Variants in RALGAPA2 observed in about 807,000 individuals in gnomAD.
The protein encoded by RALGAPA2 is Ral GTPase activating protein catalytic subunit alpha 2, also known as ral GTPase-activating protein subunit alpha-2.
In RALGAPA2, 139 loss-of-function variants were observed where a neutral mutation model predicts 230.4. That is an observed-to-expected ratio of 0.60 (90% CI 0.53 to 0.69). RALGAPA2 has a LOEUF of 0.69. Ranked by LOEUF, RALGAPA2 falls within the 30% of genes least tolerant of loss-of-function variation. The pLI, the probability that RALGAPA2 is intolerant of heterozygous loss-of-function variation, is 0.00. For missense variants in RALGAPA2, 2,163 were observed against 2,276.0 expected (o/e 0.95, Z 1.01); for synonymous variants, 847 against 837.8 (o/e 1.01, Z -0.19).
At chr20:20,633,932 G>A (rs529326031) in intron 9 of RALGAPA2, among the ~76,000 whole-genome samples, 2 of 152,338 alleles carry the variant, frequency 1.3e-5, no homozygotes, top group South Asian at 4.1e-4. Flanking sequence ...GTGGGGGGAT[G>A]TGTATGTGTA....
intron 4 of RALGAPA2, among the ~76,000 whole-genome samples, chr20:20,645,436 T>C (rs546898344): frequency 1.6e-4 from 25 of 152,012 alleles, no homozygotes; most frequent in African/African-American, 5.1e-4. Context: ...TTTTAAGTAT[T>C]TGGACTACCT....
chr20:20,606,378 G>C (rs1222400969), intron 14 of RALGAPA2, among the ~76,000 whole-genome samples: 1 of 152,114 alleles, frequency 6.6e-6, no homozygotes, highest in Non-Finnish European at 1.5e-5. Flanking sequence ...CTGGTTTCCT[G>C]ATCTATCTAC....
At chr20:20,463,294 GTCT>G (rs1291468735) in intron 37 of RALGAPA2, among the ~76,000 whole-genome samples, 1 of 151,754 alleles carries the variant, frequency 6.6e-6, no homozygotes, top group Non-Finnish European at 1.5e-5. Flanking sequence ...TGAAATAAAA[GTCT>G]TCTTCCAAAA....
intron 1 of RALGAPA2, among the ~76,000 whole-genome samples, chr20:20,689,655 A>T (rs1427076500): frequency 2.0e-5 from 3 of 152,200 alleles, no homozygotes; most frequent in African/African-American, 4.8e-5. Context: ...AGATAAAAAT[A>T]AAAAAATACA....
chr20:20,603,264 C>T (rs2065717330), intron 15 of RALGAPA2, among the ~76,000 whole-genome samples: 1 of 152,228 alleles, frequency 6.6e-6, no homozygotes, highest in Non-Finnish European at 1.5e-5. Context: ...CACTGGATTG[C>T]CATGTACTTC....
intron 37 of RALGAPA2, among the ~76,000 whole-genome samples, chr20:20,470,773 ACT>A (rs1351194960): frequency 6.6e-6 from 1 of 152,220 alleles, no homozygotes; most frequent in East Asian, 1.9e-4. Flanking sequence ...TTCTAACATT[ACT>A]GTTTTCCATT....
intron 20 of RALGAPA2, among the ~76,000 whole-genome samples, chr20:20,576,997 T>G (rs548377193): frequency 3.0e-4 from 45 of 152,300 alleles, no homozygotes; most frequent in African/African-American, 9.6e-4. Context: ...TTAACATGTA[T>G]GTTATTCTGT....
At chr20:20,558,516 G>A (rs1020171878) in intron 23 of RALGAPA2, among the ~76,000 whole-genome samples, 2 of 152,164 alleles carry the variant, frequency 1.3e-5, no homozygotes, top group Non-Finnish European at 2.9e-5. Context: ...ATTATCAGAT[G>A]AAGGAACTGG....
At chr20:20,693,915 G>A (rs2069009394) in intron 1 of RALGAPA2, among the ~76,000 whole-genome samples, 1 of 152,048 alleles carries the variant, frequency 6.6e-6, no homozygotes, top group Non-Finnish European at 1.5e-5. Flanking sequence ...ACCAGCCTAG[G>A]TAACATGGTG....
chr20:20,492,837 T>C (rs1484641425), intron 36 of RALGAPA2, among the ~76,000 whole-genome samples: 1 of 152,180 alleles, frequency 6.6e-6, no homozygotes, highest in Non-Finnish European at 1.5e-5. Flanking sequence ...TACTGATAAT[T>C]ATATTGCTTA....
At chr20:20,698,448 G>A (rs150863484) in intron 1 of RALGAPA2, among the ~76,000 whole-genome samples, 101 of 152,186 alleles carry the variant, frequency 6.6e-4, no homozygotes, top group African/African-American at 2.4e-3. Context: ...GGAGTGTGGT[G>A]GCACGATCTT....
chr20:20,662,268 T>C (rs930658673), intron 3 of RALGAPA2, among the ~76,000 whole-genome samples: 1 of 151,968 alleles, frequency 6.6e-6, no homozygotes, highest in East Asian at 1.9e-4. Context: ...AGCTAAAAAA[T>C]TCTCAATTAT....
rs748789246 is a variant in RALGAPA2, at chr20:20,495,138, G to A, written c.5346C>T (p.Ile1782=). The change falls in exon 36 of 40, where the codon ATC becomes ATT. Residue 1782 remains isoleucine, a synonymous_variant. Transcript: ENST00000202677. ...GTACCTCAGGTTTCTTCGTTATCGC[G>A]ATGAAGAACATGTGATTCTTCATTG... is the stretch of plus-strand genomic sequence containing the variant. ...IYPMKNHMFF[I]AITKKPEVPF... 10 of 1,607,150 alleles carry A rather than the reference G, an allele frequency of 6.2e-6. No homozygotes were observed. The Middle Eastern group carries it at 5.0e-4, about 80-fold the overall frequency.
At chr20:20,458,743 T>A (rs1366672978) in intron 37 of RALGAPA2, among the ~76,000 whole-genome samples, 1 of 20,950 alleles carries the variant, frequency 4.8e-5, no homozygotes, top group Non-Finnish European at 1.0e-4. Flanking sequence ...CACCTATATA[T>A]ATATACATAC....
At chr20:20,702,026 C>G (rs1400461669) in intron 1 of RALGAPA2, among the ~76,000 whole-genome samples, 1 of 146,614 alleles carries the variant, frequency 6.8e-6, no homozygotes, top group East Asian at 2.0e-4. Context: ...GGCGACAGAG[C>G]AAGACTCCAT....
intron 24 of RALGAPA2, among the ~76,000 whole-genome samples, chr20:20,538,667 C>T (rs1198303489): frequency 1.3e-5 from 2 of 152,122 alleles, no homozygotes; most frequent in Non-Finnish European, 2.9e-5. Flanking sequence ...GATTACTGTT[C>T]TGAAGAAGAC....
At chr20:20,669,414 T>G (rs75430499) in intron 3 of RALGAPA2, among the ~76,000 whole-genome samples, 2 of 152,140 alleles carry the variant, frequency 1.3e-5, no homozygotes, top group African/African-American at 4.8e-5. Context: ...TTCCCAAAGA[T>G]AGTGGCTCAG....
intron 13 of RALGAPA2, among the ~76,000 whole-genome samples, chr20:20,612,406 A>T (rs1168096244): frequency 6.6e-6 from 1 of 152,218 alleles, no homozygotes; most frequent in Non-Finnish European, 1.5e-5. Context: ...AACTGAGAAT[A>T]GGACAAAGTA....
intron 16 of RALGAPA2, among the ~76,000 whole-genome samples, chr20:20,599,926 T>A (rs977481211): frequency 6.7e-6 from 1 of 149,468 alleles, no homozygotes; most frequent in African/African-American, 2.5e-5. Flanking sequence ...TGAGCCAAGA[T>A]CACACCACTG....
Sources: allele counts gnomAD v4.1 joint callset (sites outside exome capture counted in the v4.1 genomes callset), GRCh38; gene constraint gnomAD v4.1.1; transcripts MANE v1.5; gene names NCBI Gene and HGNC (gene_info 2026-07-23, HGNC 2026-07-21).